Variants in NAV3 observed in about 807,000 individuals in gnomAD.
NAV3 encodes pore membrane and/or filament interacting like protein 1.
Under a neutral mutation model 244.7 loss-of-function variants are expected in NAV3, and 87 were observed. The ratio of observed to expected loss-of-function variants is 0.36; its 90% CI spans 0.30 to 0.42. NAV3 has a LOEUF of 0.42. Ranked by LOEUF, NAV3 falls within the 20% of genes least tolerant of loss-of-function variation. The pLI is 1.00. For synonymous variants in NAV3, 1,126 were observed against 1,042.2 expected (o/e 1.08, Z -1.55); for missense variants, 2,663 against 2,893.3 (o/e 0.92, Z 1.83).
At chr12:77,868,618 T>C (rs1194988390) in intron 1 of NAV3, among the ~76,000 whole-genome samples, 3 of 151,602 alleles carry the variant, frequency 2.0e-5, no homozygotes, top group Admixed American at 2.0e-4. Context: ...AAGCAGGGCA[T>C]GGTGGCACAC....
intron 12 of NAV3, among the ~76,000 whole-genome samples, chr12:78,069,524 A>T (rs947095804): frequency 6.6e-6 from 1 of 151,962 alleles, no homozygotes; most frequent in Non-Finnish European, 1.5e-5. Flanking sequence ...CTGTATTTAT[A>T]TAATAAATAA....
intron 1 of NAV3, among the ~76,000 whole-genome samples, chr12:77,880,386 T>C (rs556947512): frequency 6.6e-6 from 1 of 152,264 alleles, no homozygotes; most frequent in South Asian, 2.1e-4. Context: ...ATAGAGGCTC[T>C]ATTTGGGGTA....
At chr12:77,778,606 C>T (rs745401682) in intron 2 of NAV3, among the ~76,000 whole-genome samples, 9 of 142,104 alleles carry the variant, frequency 6.3e-5, no homozygotes, top group Non-Finnish European at 1.1e-4. Context: ...AGCGAGACTC[C>T]GTCTCAGAAA....
chr12:77,651,082 A>G (rs1336120709), intron 2 of NAV3, among the ~76,000 whole-genome samples: 2 of 152,120 alleles, frequency 1.3e-5, no homozygotes, highest in East Asian at 3.8e-4. Context: ...TATATCGCAC[A>G]TTGCTGATAC....
intron 2 of NAV3, among the ~76,000 whole-genome samples, chr12:77,727,307 T>A (rs559506110): frequency 2.6e-5 from 4 of 151,980 alleles, no homozygotes; most frequent in Non-Finnish European, 5.9e-5. Flanking sequence ...CAAGGCCTGA[T>A]AGTTTGTTGT....
chr12:77,737,320 T>C (rs1317226581), intron 2 of NAV3, among the ~76,000 whole-genome samples: 1 of 150,592 alleles, frequency 6.6e-6, no homozygotes, highest in Non-Finnish European at 1.5e-5. Flanking sequence ...CAGTGTTTCT[T>C]AAAAAGGAGG....
chr12:78,188,113 G>C, intron 31 of NAV3, 135 bp from the exon 32 acceptor site: 1 of 640,916 alleles, frequency 1.6e-6, no homozygotes. Flanking sequence ...ATGTGTGTCT[G>C]TTACTATAGA....
intron 2 of NAV3, among the ~76,000 whole-genome samples, chr12:77,615,858 G>C (rs1218091675): frequency 6.6e-6 from 1 of 151,992 alleles, no homozygotes. Flanking sequence ...CTGCTGCTGT[G>C]GCATTTCATT....
At chr12:77,906,134 G>T (rs371473791) in intron 1 of NAV3, among the ~76,000 whole-genome samples, 1 of 152,170 alleles carries the variant, frequency 6.6e-6, no homozygotes, top group East Asian at 1.9e-4. Flanking sequence ...TGAATTTGCC[G>T]CAAACTTGCA....
chr12:77,952,799 G>A (rs1677891), intron 3 of NAV3, among the ~76,000 whole-genome samples: 130,237 of 152,086 alleles, frequency 0.86, 55,871 homozygotes, highest in East Asian at 0.98. Flanking sequence ...ATAAACTCTC[G>A]TGAAACTGGG....
At chr12:77,981,495 A>C (rs1869551995) in intron 5 of NAV3, among the ~76,000 whole-genome samples, 1 of 152,092 alleles carries the variant, frequency 6.6e-6, no homozygotes, top group Admixed American at 6.6e-5. Context: ...CATCTATCTC[A>C]GTCTTAAAAA....
chr12:78,205,212 T>G, intron 39 of NAV3, 74 bp downstream of exon 39: 2 of 1,430,014 alleles, frequency 1.4e-6, no homozygotes, highest in Non-Finnish European at 1.9e-6. Flanking sequence ...TAGTTATTTC[T>G]AGCGAAGACA....
chr12:77,862,142 AAATGAATTTTTTT>A (rs1185364837), intron 1 of NAV3, among the ~76,000 whole-genome samples: 1 of 151,856 alleles, frequency 6.6e-6, no homozygotes, highest in Non-Finnish European at 1.5e-5. Flanking sequence ...ACACACATTA[AAATGAATTTTTTT>A]TTTTTGGTCA....
At chr12:77,939,420 T>C (rs1332502546) in intron 1 of NAV3, among the ~76,000 whole-genome samples, 1 of 152,190 alleles carries the variant, frequency 6.6e-6, no homozygotes, top group Non-Finnish European at 1.5e-5. Context: ...TTCTTTCTTC[T>C]ATTCTCATTT....
At chr12:78,107,111 G>T (rs1340652091) in intron 12 of NAV3, among the ~76,000 whole-genome samples, 1 of 152,190 alleles carries the variant, frequency 6.6e-6, no homozygotes, top group Non-Finnish European at 1.5e-5. Context: ...TGTTACAACA[G>T]ATATGCAGAT....
chr12:77,864,363 T>A (rs1429798287), intron 1 of NAV3, among the ~76,000 whole-genome samples: 1 of 151,898 alleles, frequency 6.6e-6, no homozygotes, highest in African/African-American at 2.4e-5. Context: ...TGGGTGCATT[T>A]CATGTCAAAT....
Position 77,706,453 on chromosome 12 carries a change from T to C in NAV3, c.72+134187T>C, listed in dbSNP as rs948973254. 5.9e-5 allele frequency among the ~76,000 whole-genome samples: 9 copies of C among 151,424 alleles called. 1 individual carries two copies. Among genetic ancestry groups the C allele is most frequent in the African/African-American group, 2.0e-4 (8 of 40,798 alleles). On this transcript the variant is annotated intron_variant, in intron 2 of 8. Coordinates refer to the NAV3 transcript ENST00000550042. ...CTTCAATCCACTATTGAGACCTACG[T>C]TGAAACTCTACTTTTCATGTGTACA...
chr12:78,088,108 AT>A (rs2137954022), intron 12 of NAV3, among the ~76,000 whole-genome samples: 1 of 151,354 alleles, frequency 6.6e-6, no homozygotes, highest in East Asian at 1.9e-4. Flanking sequence ...TATGAGGGTC[AT>A]TCAATTTTAT....
chr12:78,037,061 C>T, intron 9 of NAV3: 1 of 702,934 alleles, frequency 1.4e-6, no homozygotes, highest in Non-Finnish European at 2.6e-6. Context: ...CAGAGCGGCG[C>T]TCACTGTCCA....
Sources: allele counts gnomAD v4.1 joint callset (sites outside exome capture counted in the v4.1 genomes callset), GRCh38; gene constraint gnomAD v4.1.1; transcripts MANE v1.5; gene names NCBI Gene and HGNC (gene_info 2026-07-23, HGNC 2026-07-21).